The following WDR7 variants were observed in gnomAD, a reference collection of about 807,000 sequenced individuals.
The protein encoded by WDR7 is WD repeat-containing protein 7.
In WDR7, 46 loss-of-function variants were observed where a neutral mutation model predicts 169.4. The ratio of observed to expected loss-of-function variants is 0.27; its 90% CI spans 0.21 to 0.35. The LOEUF is 0.35. WDR7 is among the 10% of genes least tolerant of loss of function. The pLI, the probability that WDR7 is intolerant of heterozygous loss-of-function variation, is 1.00. For missense variants in WDR7, 1,534 were observed against 1,859.3 expected, an observed-to-expected ratio of 0.83 and a Z score of 3.22; for synonymous variants, 612 against 666.8, an observed-to-expected ratio of 0.92 and a Z score of 1.27.
chr18:56,797,119 A>G lies in WDR7; in HGVS notation c.3190+15463A>G, dbSNP rs2044598110. ...CTGCTTCGGATCACAGAGATTAGAC[A>G]GACTCATGAGTTGCTAGAACTCTTT... On this transcript the variant is annotated intron_variant, in intron 19 of 27. Coordinates refer to ENST00000254442, the MANE Select transcript of WDR7 (RefSeq NM_015285.3). Among the ~76,000 whole-genome samples the G allele has an allele frequency of 2.0e-5, 3 of 152,184 alleles. No individual in the cohort carries two copies. In the South Asian group the frequency reaches 6.2e-4, roughly 31 times the overall value.
chr18:56,844,602 A>G (rs1462463274), intron 20 of WDR7, among the ~76,000 whole-genome samples: 5 of 152,226 alleles, frequency 3.3e-5, no homozygotes, highest in Non-Finnish European at 7.3e-5. Context: ...TTAAATGCTT[A>G]TGGTAAGAGA....
At chr18:56,665,306 A>AG (rs1555674548) in intron 1 of WDR7, among the ~76,000 whole-genome samples, 379 of 133,312 alleles carry the variant, frequency 2.8e-3, no homozygotes, top group East Asian at 4.7e-3. Flanking sequence ...AAAAAAAAAA[A>AG]AAGAAGAAGA....
intron 19 of WDR7, among the ~76,000 whole-genome samples, chr18:56,790,236 T>A (rs574253478): frequency 8.9e-4 from 136 of 152,344 alleles, no homozygotes; most frequent in African/African-American, 3.1e-3. Context: ...ATGTCCAACT[T>A]GTTTTTATAG....
intron 26 of WDR7, among the ~76,000 whole-genome samples, chr18:56,969,400 G>A (rs184277836): frequency 5.3e-5 from 8 of 152,220 alleles, no homozygotes; most frequent in Admixed American, 2.6e-4. Flanking sequence ...CCTCCTATGA[G>A]CTGTTTCATT....
At chr18:56,800,522 G>C (rs1014280032) in intron 19 of WDR7, among the ~76,000 whole-genome samples, 1 of 151,654 alleles carries the variant, frequency 6.6e-6, no homozygotes, top group Non-Finnish European at 1.5e-5. Context: ...TTGTGATATT[G>C]AACCATATAG....
intron 20 of WDR7, among the ~76,000 whole-genome samples, chr18:56,841,279 C>T (rs1042123838): frequency 7.2e-5 from 11 of 151,778 alleles, no homozygotes; most frequent in Non-Finnish European, 1.0e-4. Context: ...CGGTGGCCCA[C>T]ACCTGTAATC....
chr18:57,018,410 G>A (rs975167543), intron 26 of WDR7, among the ~76,000 whole-genome samples: 1 of 152,206 alleles, frequency 6.6e-6, no homozygotes, highest in Non-Finnish European at 1.5e-5. Context: ...GGACCAGGTG[G>A]GAAATAAGTG....
chr18:56,816,817 A>G (rs986056716), intron 20 of WDR7, among the ~76,000 whole-genome samples: 1 of 152,196 alleles, frequency 6.6e-6, no homozygotes. Flanking sequence ...AAATACTTAC[A>G]TTGGTATTAA....
intron 14 of WDR7, among the ~76,000 whole-genome samples, chr18:56,747,864 T>G (rs1348842971): frequency 1.3e-5 from 2 of 152,154 alleles, no homozygotes; most frequent in Non-Finnish European, 2.9e-5. Flanking sequence ...AATGAGGGCT[T>G]GTTCATCACA....
chr18:56,758,997 C>T lies in WDR7; in HGVS notation c.2848+44C>T, dbSNP rs745722055. The stretch of plus-strand genomic sequence containing the variant: ...AAGTAATTGACATGACATTTCAGCT[C>T]TAGAAACTGAGGAGGCATAGCTAAT... On this transcript the variant is annotated intron_variant, in intron 16 of 27. Coordinates refer to ENST00000254442, the MANE Select transcript of WDR7 (RefSeq NM_015285.3). The T allele has an allele frequency of 2.1e-5, 31 of 1,511,546 alleles. No homozygotes were observed. The Admixed American group carries it at 2.8e-4, about 14-fold the overall frequency. 93.6% of individuals were successfully genotyped at this position (1,511,546 alleles called of 1,614,324 possible).
chr18:56,806,735 G>A (rs1599060054), intron 19 of WDR7, among the ~76,000 whole-genome samples: 1 of 152,058 alleles, frequency 6.6e-6, no homozygotes, highest in Non-Finnish European at 1.5e-5. Flanking sequence ...GGAAGCTAAG[G>A]GTATGTCTTT....
chr18:56,982,043 A>C (rs2047653493), intron 26 of WDR7, among the ~76,000 whole-genome samples: 2 of 152,180 alleles, frequency 1.3e-5, no homozygotes, highest in Admixed American at 6.5e-5. Flanking sequence ...GATCAGTGTT[A>C]ACACTATTAT....
chr18:56,848,120 C>A (rs1249624381), intron 20 of WDR7, among the ~76,000 whole-genome samples: 1 of 152,218 alleles, frequency 6.6e-6, no homozygotes, highest in East Asian at 1.9e-4. Flanking sequence ...AGAGGCTGCA[C>A]CTTGCAAAAC....
At chr18:56,972,639 C>T (rs1168960317) in intron 26 of WDR7, among the ~76,000 whole-genome samples, 1 of 152,014 alleles carries the variant, frequency 6.6e-6, no homozygotes. Context: ...TGAAGAATTG[C>T]CTAACAAGCT....
rs139102456 is a variant in WDR7 at position 56,756,740 on chromosome 18, C to T, written c.2147C>T (p.Ser716Phe). The T allele has an allele frequency of 9.2e-4, 1,491 of 1,614,100 alleles. 1 individual carries two copies. The highest frequency in any genetic ancestry group is 1.1e-3 in the Non-Finnish European group (1,340 of 1,180,016). ...EASRPNTALI[S>F]PENLQKASGS... is the part of the protein sequence containing the mutation. The stretch of plus-strand genomic sequence containing the variant: ...TCTAGGCCGAATACTGCTCTTATTT[C>T]CCCAGAGAATTTGCAAAAAGCATCT... The change falls in exon 15 of 28, where the codon TCC (serine) becomes TTC (phenylalanine). Residue 716 changes from serine to phenylalanine, a missense_variant. Coordinates refer to ENST00000254442, the MANE Select transcript of WDR7 (RefSeq NM_015285.3).
At chr18:57,009,801 G>A (rs934101814) in intron 26 of WDR7, 9 of 959,772 alleles carry the variant, frequency 9.4e-6, no homozygotes, top group African/African-American at 1.8e-5. Context: ...AAATTCCCTA[G>A]CTTTATAATC....
intron 21 of WDR7, among the ~76,000 whole-genome samples, chr18:56,893,313 C>T (rs2046289572): frequency 1.3e-5 from 2 of 151,904 alleles, no homozygotes; most frequent in Non-Finnish European, 2.9e-5. Flanking sequence ...TATATAAGTG[C>T]ATCAGGATCT....
intron 26 of WDR7, among the ~76,000 whole-genome samples, chr18:56,979,566 C>T (rs2047612681): frequency 6.6e-6 from 1 of 152,160 alleles, no homozygotes; most frequent in Non-Finnish European, 1.5e-5. Context: ...CGAACAGGGA[C>T]ATTTTCTCCA....
intron 12 of WDR7, among the ~76,000 whole-genome samples, chr18:56,697,241 C>T (rs531029388): frequency 4.8e-4 from 73 of 152,312 alleles, no homozygotes; most frequent in African/African-American, 1.5e-3. Flanking sequence ...TCTGGTATTA[C>T]TGAAATTGAA....
Sources: gnomAD v4.1 joint callset for allele counts (sites outside exome capture counted in the v4.1 genomes callset) on GRCh38, gnomAD v4.1.1 for gene constraint, MANE v1.5 for transcripts, NCBI Gene and HGNC (gene_info 2026-07-23, HGNC 2026-07-21) for gene names.